The following RTKN2 variants were observed in gnomAD, a reference collection of about 807,000 sequenced individuals.
RTKN2 encodes rhotekin 2.
In RTKN2, 69 loss-of-function variants were observed where a neutral mutation model predicts 71.5. The ratio of observed to expected loss-of-function variants is 0.96; its 90% confidence interval spans 0.79 to 1.18. The LOEUF (loss-of-function observed/expected upper bound fraction) is 1.18. RTKN2 is among the 50% of genes most tolerant of loss of function. The pLI, the probability that RTKN2 is intolerant of heterozygous loss-of-function variation, is 0.00. For missense variants in RTKN2, 724 were observed against 719.7 expected (o/e 1.01, Z -0.07); for synonymous variants, 236 against 236.5 (o/e 1.00, Z 0.02).
intron 3 of RTKN2, among the ~76,000 whole-genome samples, 166 bp downstream of exon 3, chr10:62,245,833 T>C (rs532841083): frequency 6.6e-6 from 1 of 152,234 alleles, no homozygotes; most frequent in South Asian, 2.1e-4. Context: ...TAAAGTTCTA[T>C]ATCAATGTAG....
In RTKN2 at chr10:62,248,685, C is replaced by T. The variant is rs150291238; in HGVS notation, c.258-2628G>A. Among the ~76,000 whole-genome samples, 1,302 of 152,228 alleles carry T rather than the reference C, an allele frequency of 8.6e-3. 11 individuals carry two copies. Among genetic ancestry groups the T allele is most frequent in the Non-Finnish European group, 0.014 (966 of 67,974 alleles). On this transcript the variant is annotated intron_variant, in intron 2 of 11. Coordinates refer to ENST00000373789, the MANE Select transcript of RTKN2 (RefSeq NM_145307.4). ...TTAATTTTTATTACTTATATTTCTG[C>T]CTGTAGGTAAATAAAATGACCAAAA...
intron 9 of RTKN2, among the ~76,000 whole-genome samples, chr10:62,213,313 T>C (rs1841700223): frequency 6.6e-6 from 1 of 152,154 alleles, no homozygotes; most frequent in Non-Finnish European, 1.5e-5. Flanking sequence ...GCATCACCAG[T>C]AGTGGCGACA....
chr10:62,215,023 GC>G, intron 9 of RTKN2: 1 of 1,376,072 alleles, frequency 7.3e-7, no homozygotes, highest in Non-Finnish European at 1.0e-6. Context: ...TCCCTGCTTT[GC>G]CTACCTTAAA....
At position 62,218,423 on chromosome 10, in the gene RTKN2, G is replaced by T. The variant is rs569370564; in HGVS notation, c.782-122C>A. 8.2e-6 allele frequency: 5 copies of T among 609,094 alleles called. No individual in the cohort carries two copies. The Admixed American group carries it at 1.5e-4, about 18-fold the overall frequency. 37.7% of individuals were successfully genotyped at this position (609,094 alleles called of 1,614,324 possible). ...TTTGCTTTGTACAGAACATATTTTA[G>T]AATTAGTTTCATGTAAAGATTCATC... On this transcript the variant is annotated intron_variant, in intron 7 of 11. Transcript: ENST00000373789.
chr10:62,209,305 G>A (rs1465589527), intron 9 of RTKN2, among the ~76,000 whole-genome samples: 2 of 151,806 alleles, frequency 1.3e-5, no homozygotes, highest in East Asian at 3.9e-4. Context: ...TGGCAACCCA[G>A]GTATGCAACT....
intron 2 of RTKN2, among the ~76,000 whole-genome samples, chr10:62,261,427 G>A (rs983556601): frequency 9.2e-5 from 14 of 152,022 alleles, no homozygotes; most frequent in Admixed American, 2.0e-4. Flanking sequence ...AAATCACGAG[G>A]TCAGGAGATT....
At chr10:62,204,376 T>C (rs933841597) in intron 10 of RTKN2, among the ~76,000 whole-genome samples, 2 of 152,180 alleles carry the variant, frequency 1.3e-5, no homozygotes, top group African/African-American at 2.4e-5. Context: ...GAGAAAATCC[T>C]ATGTGTGTGG....
Position 62,187,009 on chromosome 10 carries a change from C to A in RTKN2, c.862-2622G>T, listed in dbSNP as rs1036622740. ...TGTGGTTCATTTAGTCCAAAGCTTT[C>A]TGGGTTCTCCACCCTAAGCATTTTA... On this transcript the variant is annotated intron_variant, in intron 8 of 8. Transcript: ENST00000315289. Among the ~76,000 whole-genome samples the A allele has an allele frequency of 2.6e-5, 4 of 152,176 alleles. No homozygotes were observed. In the East Asian group the frequency reaches 7.7e-4, roughly 29 times the overall value.
intron 8 of RTKN2, chr10:62,184,416 C>T: frequency 7.5e-7 from 1 of 1,342,068 alleles, no homozygotes; most frequent in Non-Finnish European, 1.0e-6. Flanking sequence ...CACCTTTAGT[C>T]ACCCACAGAG....
intron 11 of RTKN2, among the ~76,000 whole-genome samples, chr10:62,199,196 C>T (rs1258667670): frequency 1.3e-5 from 2 of 152,156 alleles, no homozygotes; most frequent in African/African-American, 2.4e-5. Context: ...GACTGACTTG[C>T]ACTTGTTCAC....
At chr10:62,238,280 C>A (rs542017637) in intron 5 of RTKN2, 10 of 152,004 alleles carry the variant, frequency 6.6e-5, no homozygotes, top group Admixed American at 5.2e-4. Context: ...TAAAAACAAT[C>A]ATCATAACAA....
Position 62,201,766 on chromosome 10 carries a change from G to A in RTKN2, c.1187-1905C>T, listed in dbSNP as rs139303536. On this transcript the variant is annotated intron_variant, in intron 10 of 11. Transcript: ENST00000373789. ...GGAATATAATGCCACATTATTTCAC[G>A]TGTTACTAAAGTCAGAGGTATAAAC... Among the ~76,000 whole-genome samples the A allele has an allele frequency of 4.6e-3, 698 of 152,206 alleles. 4 individuals are homozygous for A. The highest frequency in any genetic ancestry group is 0.016 in the African/African-American group (659 of 41,548).
chr10:62,253,116 G>A (rs573765846), intron 2 of RTKN2, among the ~76,000 whole-genome samples: 11 of 152,120 alleles, frequency 7.2e-5, no homozygotes, highest in African/African-American at 2.2e-4. Context: ...CAAGAAACAA[G>A]TCTTCAAAGG....
At chr10:62,254,965 T>C (rs575158994) in intron 2 of RTKN2, among the ~76,000 whole-genome samples, 93 of 152,058 alleles carry the variant, frequency 6.1e-4, no homozygotes, top group African/African-American at 2.2e-3. Context: ...TGAGACCCTG[T>C]CTCTAAAAAA....
At chr10:62,259,236 C>T (rs1842728920) in intron 2 of RTKN2, 1 of 451,516 alleles carries the variant, frequency 2.2e-6, no homozygotes, top group South Asian at 1.6e-5. Flanking sequence ...TGAGGCCTCC[C>T]CAGTCATGTG....
chr10:62,216,516 C>T (rs1841772541), intron 9 of RTKN2, among the ~76,000 whole-genome samples: 1 of 151,948 alleles, frequency 6.6e-6, no homozygotes, highest in Non-Finnish European at 1.5e-5. Flanking sequence ...TGAAGTTTTC[C>T]TATAGGATTC....
downstream of RTKN2, among the ~76,000 whole-genome samples, chr10:62,192,924 A>C (rs1421403024): frequency 6.6e-6 from 1 of 152,184 alleles, no homozygotes; most frequent in African/African-American, 2.4e-5. Flanking sequence ...TACCTGAAGA[A>C]TCTAACACAC....
chr10:62,246,946 T>G (rs1564523593), intron 2 of RTKN2, among the ~76,000 whole-genome samples: 1 of 151,966 alleles, frequency 6.6e-6, no homozygotes, highest in Non-Finnish European at 1.5e-5. Flanking sequence ...CCTAATAAAC[T>G]GCATTTAGAG....
chr10:62,242,089 C>T (rs1842388485), intron 3 of RTKN2, among the ~76,000 whole-genome samples: 1 of 150,302 alleles, frequency 6.7e-6, no homozygotes, highest in African/African-American at 2.5e-5. Flanking sequence ...CTCAAGCAAT[C>T]TGCCCTCCTT....
Sources: allele counts gnomAD v4.1 joint callset (sites outside exome capture counted in the v4.1 genomes callset), GRCh38; gene constraint gnomAD v4.1.1; transcripts MANE v1.5; gene names NCBI Gene and HGNC (gene_info 2026-07-23, HGNC 2026-07-21).